Variants in RUNX1T1 observed in about 807,000 individuals in gnomAD.
RUNX1T1 encodes the protein protein CBFA2T1.
Under a neutral mutation model 62.8 loss-of-function variants are expected in RUNX1T1, and 4 were observed. The observed-to-expected ratio is 0.06, with a 90% CI of 0.03 to 0.15. The LOEUF is 0.15. Ranked by LOEUF, RUNX1T1 falls within the 10% of genes least tolerant of loss-of-function variation. The pLI, the probability that RUNX1T1 is intolerant of heterozygous loss-of-function variation, is 1.00. For synonymous variants in RUNX1T1, 291 were observed against 286.0 expected, an observed-to-expected ratio of 1.02 and a Z score of -0.18; for missense variants, 508 against 754.3, an observed-to-expected ratio of 0.67 and a Z score of 3.82.
chr8:91,961,788 A>G (rs2130446706), intron 10 of RUNX1T1, among the ~76,000 whole-genome samples: 1 of 152,212 alleles, frequency 6.6e-6, no homozygotes, highest in East Asian at 1.9e-4. Context: ...ATGTCATTCA[A>G]CTTTTTATTC....
At chr8:92,094,849 T>G (rs1197028298) in intron 1 of RUNX1T1, among the ~76,000 whole-genome samples, 1 of 152,182 alleles carries the variant, frequency 6.6e-6, no homozygotes, top group African/African-American at 2.4e-5. Flanking sequence ...CAGTCTCACC[T>G]TAAAATAAAA....
chr8:92,048,788 G>C (rs888387512), intron 1 of RUNX1T1, among the ~76,000 whole-genome samples: 1 of 151,742 alleles, frequency 6.6e-6, no homozygotes, highest in African/African-American at 2.4e-5. Flanking sequence ...TGAGAGAAAT[G>C]GTCAAAATAA....
intron 1 of RUNX1T1, among the ~76,000 whole-genome samples, chr8:92,054,385 GTGGGGGGTTAAACACTGTCTCCT>G (rs1830694790): frequency 6.6e-6 from 1 of 152,168 alleles, no homozygotes; most frequent in African/African-American, 2.4e-5. Context: ...GCACTGTTTT[GTGGGGGGTTAAACACTGTCTCCT>G]ATTTTTTAAC....
chr8:91,986,745 G>A, intron 7 of RUNX1T1, 142 bp downstream of exon 8: 1 of 644,198 alleles, frequency 1.6e-6, no homozygotes, highest in Non-Finnish European at 2.8e-6. Flanking sequence ...TTCTACTTCA[G>A]ATATTCTCGC....
At chr8:92,051,602 A>T (rs151328929) in intron 1 of RUNX1T1, among the ~76,000 whole-genome samples, 2,163 of 140,858 alleles carry the variant, frequency 0.015, 50 homozygotes, top group Middle Eastern at 0.066. Flanking sequence ...ACACACACAC[A>T]CTCTCTCTCT....
At chr8:92,039,864 T>C (rs1828120952) in intron 1 of RUNX1T1, among the ~76,000 whole-genome samples, 2 of 152,064 alleles carry the variant, frequency 1.3e-5, no homozygotes, top group Non-Finnish European at 1.5e-5. Flanking sequence ...CTTCCTCCCT[T>C]CCCTTCTTGC....
At chr8:92,060,553 ATGTGTGTGTGTGTGTGTG>A (rs1271953758) in intron 1 of RUNX1T1, among the ~76,000 whole-genome samples, 1 of 63,974 alleles carries the variant, frequency 1.6e-5, no homozygotes, top group Non-Finnish European at 3.2e-5. Flanking sequence ...ATATATATAT[ATGTGTGTGTGTGTGTGTG>A]TGTGTGTGTG....
chr8:92,100,351 A>G (rs961904043), upstream of RUNX1T1, among the ~76,000 whole-genome samples: 2 of 152,220 alleles, frequency 1.3e-5, no homozygotes, highest in Non-Finnish European at 2.9e-5. Context: ...CTGAGTATTG[A>G]AATTCTCCCA....
chr8:91,959,452 GTGTGTGTGTGTGTGTA>G (rs1809933912), exon 11 of RUNX1T1: 1 of 138,446 alleles, frequency 7.2e-6, no homozygotes, highest in Non-Finnish European at 1.3e-5. Context: ...GTGTGTGTGT[GTGTGTGTGTGTGTGTA>G]TATGTGCGTG....
chr8:92,088,247 A>G (rs984450492), intron 1 of RUNX1T1, among the ~76,000 whole-genome samples: 5 of 152,216 alleles, frequency 3.3e-5, no homozygotes, highest in African/African-American at 9.6e-5. Flanking sequence ...TCCAATCCCA[A>G]TATCATCTGC....
At chr8:91,970,931 A>C in intron 9 of RUNX1T1, 83 bp from the exon 11 acceptor site, 1 of 1,153,622 alleles carries the variant, frequency 8.7e-7, no homozygotes, top group Non-Finnish European at 1.1e-6. Context: ...TTTTCTTTTA[A>C]TTTTTTTTTT....
intron 4 of RUNX1T1, among the ~76,000 whole-genome samples, chr8:92,008,300 T>TTGC (rs1468179522): frequency 2.0e-5 from 3 of 151,772 alleles, no homozygotes; most frequent in African/African-American, 7.3e-5. Flanking sequence ...GTGAAGACTG[T>TTGC]TGCTTGACTT....
chr8:92,007,060 T>C (rs1272385290), intron 4 of RUNX1T1, among the ~76,000 whole-genome samples: 2 of 152,328 alleles, frequency 1.3e-5, no homozygotes, highest in Admixed American at 1.3e-4. Context: ...ATTGTATATA[T>C]TTTTTAAACT....
chr8:91,993,994 A>AAAC (rs755863798), intron 5 of RUNX1T1, among the ~76,000 whole-genome samples: 61 of 152,132 alleles, frequency 4.0e-4, no homozygotes, highest in African/African-American at 8.7e-4. Context: ...CTCTTTCTTA[A>AAAC]AACAACAACA....
At chr8:91,968,096 T>A (rs2130570870) in intron 10 of RUNX1T1, among the ~76,000 whole-genome samples, 1 of 152,256 alleles carries the variant, frequency 6.6e-6, no homozygotes, top group Non-Finnish European at 1.5e-5. Flanking sequence ...CCGAAGGACC[T>A]CTGAGACAGT....
chr8:92,020,971 A>G (rs2131208846), intron 1 of RUNX1T1, among the ~76,000 whole-genome samples: 1 of 152,220 alleles, frequency 6.6e-6, no homozygotes, highest in Admixed American at 6.5e-5. Context: ...TTTACATAGC[A>G]TTCTAGAGAG....
chr8:92,060,479 T>C (rs1368731892), intron 1 of RUNX1T1, among the ~76,000 whole-genome samples: 4 of 146,612 alleles, frequency 2.7e-5, no homozygotes, highest in South Asian at 2.1e-4. Flanking sequence ...TGTTACATCA[T>C]GTCTGAGACA....
At chr8:92,083,460 A>G (rs1258394722) in intron 1 of RUNX1T1, among the ~76,000 whole-genome samples, 1 of 152,228 alleles carries the variant, frequency 6.6e-6, no homozygotes, top group Non-Finnish European at 1.5e-5. Flanking sequence ...ACTTCTCAAA[A>G]TAAGACATTT....
At chr8:92,064,342 C>G (rs1832547748), upstream of RUNX1T1, among the ~76,000 whole-genome samples, 1 of 152,170 alleles carries the variant, frequency 6.6e-6, no homozygotes, top group South Asian at 2.1e-4. Flanking sequence ...TTACTCTGTT[C>G]TGTCACTAAT....
Sources: gnomAD v4.1 joint callset for allele counts (sites outside exome capture counted in the v4.1 genomes callset) on GRCh38, gnomAD v4.1.1 for gene constraint, MANE v1.5 for transcripts, NCBI Gene and HGNC (gene_info 2026-07-23, HGNC 2026-07-21) for gene names.